The following C10orf90 variants were observed in gnomAD, a reference collection of about 807,000 sequenced individuals.
C10orf90 encodes (E2-independent) E3 ubiquitin-conjugating enzyme FATS.
A neutral mutation model predicts 62.5 loss-of-function variants in C10orf90; 56 were observed. That is an observed-to-expected ratio of 0.90 (90% CI 0.72 to 1.12). The LOEUF (loss-of-function observed/expected upper bound fraction) is 1.12. Among genes scored for constraint, C10orf90 ranks in the 50% most tolerant of loss-of-function variants. The probability of loss-of-function intolerance (pLI) is 0.00; values close to 1 mark genes in which losing one functional copy is unlikely to be tolerated. For synonymous variants in C10orf90, 386 were observed against 340.4 expected (o/e 1.13, Z -1.47); for missense variants, 970 against 880.4 (o/e 1.10, Z -1.29).
intron 4 of C10orf90, among the ~76,000 whole-genome samples, chr10:126,474,715 C>T (rs1222727796): frequency 3.3e-5 from 5 of 152,156 alleles, no homozygotes; most frequent in African/African-American, 1.2e-4. Flanking sequence ...CTTAACTTAT[C>T]TTTTAAAAGA....
intron 1 of C10orf90, among the ~76,000 whole-genome samples, chr10:126,665,245 C>T (rs1846602721): frequency 6.6e-6 from 1 of 152,138 alleles, no homozygotes; most frequent in African/African-American, 2.4e-5. Context: ...TGCTTGGAGG[C>T]CGGGACTTCA....
intron 2 of C10orf90, among the ~76,000 whole-genome samples, chr10:126,597,346 C>T (rs754773807): frequency 6.6e-6 from 1 of 152,130 alleles, no homozygotes; most frequent in Non-Finnish European, 1.5e-5. Context: ...ATATTCCAGG[C>T]AGAGGGGACA....
At chr10:126,654,951 G>T (rs903936393) in intron 1 of C10orf90, among the ~76,000 whole-genome samples, 2 of 152,086 alleles carry the variant, frequency 1.3e-5, no homozygotes, top group African/African-American at 4.8e-5. Context: ...GAGAACAACT[G>T]GGCTGTTGGA....
intron 2 of C10orf90, among the ~76,000 whole-genome samples, chr10:126,630,147 A>G (rs970763930): frequency 3.9e-4 from 59 of 152,154 alleles, no homozygotes; most frequent in Non-Finnish European, 8.4e-4. Context: ...TGATGCAGGG[A>G]CTATAACTGT....
chr10:126,505,717 G>A (rs1862692736), intron 3 of C10orf90, among the ~76,000 whole-genome samples: 1 of 152,184 alleles, frequency 6.6e-6, no homozygotes, highest in Non-Finnish European at 1.5e-5. Flanking sequence ...CACTTTGGGA[G>A]GCTGAGATGG....
At chr10:126,653,650 T>C (rs1846334951) in intron 1 of C10orf90, among the ~76,000 whole-genome samples, 1 of 152,216 alleles carries the variant, frequency 6.6e-6, no homozygotes, top group Non-Finnish European at 1.5e-5. Context: ...TCCAAACTCC[T>C]GTTAATGTGC....
At chr10:126,635,751 C>T (rs1203376787) in intron 2 of C10orf90, among the ~76,000 whole-genome samples, 1 of 152,190 alleles carries the variant, frequency 6.6e-6, no homozygotes, top group Non-Finnish European at 1.5e-5. Flanking sequence ...GCTCACCGTC[C>T]TCCTTCAGCC....
chr10:126,533,697 G>T (rs1290043161), intron 2 of C10orf90, among the ~76,000 whole-genome samples: 2 of 152,174 alleles, frequency 1.3e-5, no homozygotes, highest in East Asian at 1.9e-4. Context: ...CCAAGGCCAG[G>T]TTTGACTTCA....
At chr10:126,502,117 AC>A (rs1564837499) in intron 4 of C10orf90, among the ~76,000 whole-genome samples, 14 of 140,132 alleles carry the variant, frequency 1.0e-4, no homozygotes, top group African/African-American at 2.5e-4. Flanking sequence ...ACACACACAC[AC>A]CACACACACA....
At chr10:126,496,513 A>T (rs2133856473) in intron 4 of C10orf90, 1 of 270,674 alleles carries the variant, frequency 3.7e-6, no homozygotes, top group African/African-American at 2.3e-5. Flanking sequence ...ATGAAGGACA[A>T]TAAAGTTGTT....
intron 2 of C10orf90, among the ~76,000 whole-genome samples, chr10:126,640,002 A>T (rs1390739272): frequency 1.9e-4 from 29 of 152,238 alleles, no homozygotes; most frequent in Admixed American, 1.9e-3. Context: ...GGTGTCACAC[A>T]GTGGCAAGGG....
intron 2 of C10orf90, among the ~76,000 whole-genome samples, chr10:126,642,399 G>T (rs1564905838): frequency 6.6e-6 from 1 of 152,120 alleles, no homozygotes; most frequent in African/African-American, 2.4e-5. Context: ...GGGCGTGGTG[G>T]CGGGCGCCTG....
chr10:126,518,107 C>T (rs1035817203), intron 2 of C10orf90, among the ~76,000 whole-genome samples: 7 of 151,964 alleles, frequency 4.6e-5, no homozygotes, highest in Non-Finnish European at 1.0e-4. Context: ...CCCTCAATCC[C>T]TGCCTCAGGC....
chr10:126,648,294 G>A (rs2133853976), intron 1 of C10orf90, among the ~76,000 whole-genome samples: 1 of 152,220 alleles, frequency 6.6e-6, no homozygotes, highest in Admixed American at 6.5e-5. Context: ...ATGTTTTTGA[G>A]GATTTCAAAA....
At chr10:126,635,962 C>T (rs1446808561) in intron 2 of C10orf90, among the ~76,000 whole-genome samples, 1 of 152,164 alleles carries the variant, frequency 6.6e-6, no homozygotes, top group Non-Finnish European at 1.5e-5. Context: ...GAGCTCTCCC[C>T]TCAGCGCAGA....
At chr10:126,583,532 A>AT (rs1399016148) in intron 2 of C10orf90, among the ~76,000 whole-genome samples, 11 of 152,144 alleles carry the variant, frequency 7.2e-5, no homozygotes, top group South Asian at 2.1e-4. Context: ...AACACTATCA[A>AT]TTTTTTTCTT....
In C10orf90 at chr10:126,646,625, G is replaced by T. The variant is rs1397303562; in HGVS notation, c.253C>A (p.Leu85Ile). The change falls in exon 2 of 10, where the codon CTC becomes ATC. Residue 85 changes from leucine to isoleucine, a missense_variant. Physicochemically the swap from Leu to Ile is conservative, Grantham distance 5. Transcript: ENST00000488181. ...GAATGATCTTTGGGGGATGAGAAGA[G>T]TCGACTGTGGATCTAGAAAACAAAC... ...TASRYEIHSR[L>I]FSSPKDHSAW... The T allele has an allele frequency of 2.3e-6, 1 of 443,730 alleles. No homozygotes were observed. Among genetic ancestry groups the T allele is most frequent in the Non-Finnish European group, 4.5e-6 (1 of 222,496 alleles). 27.5% of individuals were successfully genotyped at this position (443,730 alleles called of 1,614,324 possible).
At chr10:126,605,721 G>T (rs1845294380) in intron 2 of C10orf90, among the ~76,000 whole-genome samples, 1 of 152,138 alleles carries the variant, frequency 6.6e-6, no homozygotes, top group Non-Finnish European at 1.5e-5. Flanking sequence ...GTGTGGCATT[G>T]CTGCCTCCAG....
intron 1 of C10orf90, among the ~76,000 whole-genome samples, chr10:126,659,346 C>T (rs987206793): frequency 2.6e-5 from 4 of 152,180 alleles, no homozygotes; most frequent in African/African-American, 9.7e-5. Context: ...AAATTGAGGG[C>T]TGAATCAGAG....
Sources: gnomAD v4.1 joint callset for allele counts (sites outside exome capture counted in the v4.1 genomes callset) on GRCh38, gnomAD v4.1.1 for gene constraint, MANE v1.5 for transcripts, NCBI Gene and HGNC (gene_info 2026-07-23, HGNC 2026-07-21) for gene names.